Variants in SFI1 observed in about 807,000 individuals in gnomAD.
The protein encoded by SFI1 is protein SFI1 homolog.
A neutral mutation model predicts 207.5 loss-of-function variants in SFI1; 195 were observed. The ratio of observed to expected loss-of-function variants is 0.94; its 90% CI spans 0.84 to 1.06. SFI1 has a LOEUF of 1.06. Among genes scored for constraint, SFI1 ranks in the 50% least tolerant of loss-of-function variants. The probability of loss-of-function intolerance (pLI) is 0.00; values close to 1 mark genes in which losing one functional copy is unlikely to be tolerated. For synonymous variants in SFI1, 630 were observed against 598.9 expected, an observed-to-expected ratio of 1.05 and a Z score of -0.76; for missense variants, 1,634 against 1,588.0, an observed-to-expected ratio of 1.03 and a Z score of -0.49.
rs1212256667 is a variant in SFI1 at position 31,613,503 on chromosome 22, G to A, written c.2715G>A (p.Gln905=). 1 of 1,592,360 alleles carries A rather than the reference G, an allele frequency of 6.3e-7. No individual in the cohort carries two copies. Among genetic ancestry groups the A allele is most frequent in the Non-Finnish European group, 8.5e-7 (1 of 1,174,490 alleles). The part of the protein sequence containing the change: ...RFAASMKASR[Q]QLQAQQQVQA... ...CAGCCAGCATGAAGGCCTCCCGGCA[G>A]CAGCTGCAGGCCCAGCAGCAGGTCC... Residue 905 remains glutamine (Q), a synonymous_variant, in exon 26 of 33, where the codon CAG becomes CAA. Coordinates refer to ENST00000400288, the MANE Select transcript of SFI1 (RefSeq NM_001007467.3).
intron 6 of SFI1, among the ~76,000 whole-genome samples, chr22:31,555,894 T>C (rs573498792): frequency 3.9e-5 from 6 of 152,352 alleles, no homozygotes; most frequent in East Asian, 1.9e-4. Context: ...CTGTGAAATA[T>C]ATAGTTATAG....
chr22:31,611,585 AC>A (rs2070151401), intron 23 of SFI1, among the ~76,000 whole-genome samples, 180 bp from the exon 24 acceptor site: 1 of 152,082 alleles, frequency 6.6e-6, no homozygotes, highest in Admixed American at 6.5e-5. Context: ...GTGCTGGGGG[AC>A]CTACAGAGTG....
intron 1 of SFI1, among the ~76,000 whole-genome samples, chr22:31,504,349 G>A (rs927651408): frequency 2.0e-5 from 3 of 152,068 alleles, no homozygotes; most frequent in African/African-American, 4.8e-5. Flanking sequence ...CTAGGACATC[G>A]GTTTGATGTA....
chr22:31,566,824 T>A (rs2062361256), intron 8 of SFI1, among the ~76,000 whole-genome samples: 1 of 152,240 alleles, frequency 6.6e-6, no homozygotes, highest in Non-Finnish European at 1.5e-5. Flanking sequence ...GTTTTGTTTT[T>A]AAACTTGTCT....
intron 6 of SFI1, among the ~76,000 whole-genome samples, chr22:31,556,274 G>A (rs537150058): frequency 1.2e-4 from 18 of 149,800 alleles, no homozygotes; most frequent in African/African-American, 4.4e-4. Flanking sequence ...CCAGGCTAGA[G>A]TGCAATGGCG....
chr22:31,510,917 C>A (rs1392001568), intron 2 of SFI1, among the ~76,000 whole-genome samples: 1 of 152,126 alleles, frequency 6.6e-6, no homozygotes. Flanking sequence ...TGTCTTCTCT[C>A]TTTTCTCATT....
chr22:31,499,588 T>A (rs993655416), intron 1 of SFI1, among the ~76,000 whole-genome samples: 4 of 152,188 alleles, frequency 2.6e-5, no homozygotes, highest in African/African-American at 9.7e-5. Flanking sequence ...GTGGTAGGAT[T>A]TAAGAGGATT....
chr22:31,615,465 C>A, intron 29 of SFI1, 186 bp downstream of exon 29: 1 of 469,310 alleles, frequency 2.1e-6, no homozygotes. Context: ...AACAGCCAGC[C>A]AAGGGCCCTG....
intron 14 of SFI1, among the ~76,000 whole-genome samples, chr22:31,588,370 CTT>C (rs1163148114): frequency 6.6e-6 from 1 of 152,194 alleles, no homozygotes; most frequent in Non-Finnish European, 1.5e-5. Context: ...CTCTGTGGCT[CTT>C]TGTATAGCCT....
At chr22:31,579,067 C>T (rs1278723704) in intron 11 of SFI1, among the ~76,000 whole-genome samples, 1 of 152,164 alleles carries the variant, frequency 6.6e-6, no homozygotes, top group Non-Finnish European at 1.5e-5. Flanking sequence ...TCAAGCAATC[C>T]TCCCACCTCA....
intron 1 of SFI1, chr22:31,497,315 C>T (rs2052856618): frequency 6.6e-6 from 1 of 152,224 alleles, no homozygotes; most frequent in Non-Finnish European, 1.5e-5. Context: ...ATTTTTTCAA[C>T]AGCATGTGCC....
intron 25 of SFI1, 30 bp from the exon 26 acceptor site, chr22:31,613,324 C>T (rs1455111754): frequency 6.2e-7 from 1 of 1,602,840 alleles, no homozygotes; most frequent in African/African-American, 1.3e-5. Flanking sequence ...AGCAGGGAGA[C>T]CTGGGCCTCA....
At chr22:31,571,219 A>C (rs2062910084) in intron 8 of SFI1, among the ~76,000 whole-genome samples, 1 of 152,198 alleles carries the variant, frequency 6.6e-6, no homozygotes, top group South Asian at 2.1e-4. Flanking sequence ...GTCTTTCCCC[A>C]ACAACTTTTT....
At chr22:31,612,134 T>C in intron 24 of SFI1, 1 of 993,168 alleles carries the variant, frequency 1.0e-6, no homozygotes, top group African/African-American at 1.7e-5. Flanking sequence ...ATCCCAGCAC[T>C]TTGGGAGGCC....
intron 2 of SFI1, among the ~76,000 whole-genome samples, chr22:31,512,296 G>A (rs1205557137): frequency 6.0e-5 from 9 of 150,898 alleles, no homozygotes; most frequent in Admixed American, 1.3e-4. Context: ...CGGAGGTTGC[G>A]GTAAGCTGAG....
intron 6 of SFI1, among the ~76,000 whole-genome samples, chr22:31,551,123 T>C (rs1372633806): frequency 6.6e-6 from 1 of 152,200 alleles, no homozygotes; most frequent in Non-Finnish European, 1.5e-5. Flanking sequence ...TCCCAGAGTG[T>C]TGTAAGTGCC....
intron 8 of SFI1, 36 bp downstream of exon 8, chr22:31,561,428 T>C: frequency 6.4e-7 from 1 of 1,568,986 alleles, no homozygotes; most frequent in Non-Finnish European, 8.7e-7. Flanking sequence ...GCATCCTCTG[T>C]CAGTGTTGTC....
In SFI1 at chr22:31,603,786, G is replaced by A; in HGVS notation, c.1848G>A (p.Gln616=). 5 of 1,556,754 alleles carry A rather than the reference G, an allele frequency of 3.2e-6. No homozygotes were observed. The highest frequency in any genetic ancestry group is 4.3e-6 in the Non-Finnish European group (5 of 1,162,950). The change falls in exon 18 of 33, where the codon CAG becomes CAA. Residue 616 remains glutamine (Q), a synonymous_variant. Transcript: ENST00000400288. ...GGGCAGCAGAATTCCACATGGCCCA[G>A]CTCCTGCGTTGGGCCTGGAGCCAGT... ...RVRAAEFHMA[Q]LLRWAWSQWR...
chr22:31,612,426 T>TATATATATATATATATATATATATAAAA (rs1491348905), intron 24 of SFI1: 1 of 99,922 alleles, frequency 1.0e-5, no homozygotes, highest in Non-Finnish European at 2.0e-5. Flanking sequence ...TATATATATA[T>TATATATATATATATATATATATATAAAA]AATCAGTGGG....
Sources: allele counts gnomAD v4.1 joint callset (sites outside exome capture counted in the v4.1 genomes callset), GRCh38; gene constraint gnomAD v4.1.1; transcripts MANE v1.5; gene names NCBI Gene and HGNC (gene_info 2026-07-23, HGNC 2026-07-21).